Variants in FGFR1OP2 observed in about 807,000 individuals in gnomAD.
The protein encoded by FGFR1OP2 is FGFR1 oncogene partner 2, also known as fibroblast growth factor receptor 1 oncogene partner 2.
FGFR1OP2 carries 17 observed loss-of-function variants against 35.2 expected under a neutral mutation model. The observed-to-expected ratio is 0.48, with a 90% CI of 0.33 to 0.73. The LOEUF is 0.73. Among genes scored for constraint, FGFR1OP2 ranks in the 30% least tolerant of loss-of-function variants. FGFR1OP2 has a pLI of 0.02. For missense variants in FGFR1OP2, 251 were observed against 307.3 expected (o/e 0.82, Z 1.37); for synonymous variants, 105 against 104.6 (o/e 1.00, Z -0.03).
intron 1 of FGFR1OP2, among the ~76,000 whole-genome samples, chr12:26,945,333 A>C (rs1938802883): frequency 6.6e-6 from 1 of 152,176 alleles, no homozygotes; most frequent in Non-Finnish European, 1.5e-5. Flanking sequence ...TAATTTTCTA[A>C]TATAAACATT....
At chr12:26,950,942 AAAAG>A (rs1218138230) in intron 1 of FGFR1OP2, among the ~76,000 whole-genome samples, 4 of 152,220 alleles carry the variant, frequency 2.6e-5, no homozygotes, top group Non-Finnish European at 5.9e-5. Context: ...GGTAATATGA[AAAAG>A]AGAGAGTAGC....
chr12:26,946,642 T>C (rs1426326962), intron 1 of FGFR1OP2, among the ~76,000 whole-genome samples: 2 of 152,224 alleles, frequency 1.3e-5, no homozygotes, highest in African/African-American at 4.8e-5. Flanking sequence ...ACTCTAGCTC[T>C]TTTCTTAAAT....
At position 26,965,410 on chromosome 12, in the gene FGFR1OP2, A is replaced by G. The variant is rs1434694619; in HGVS notation, c.*677A>G. ...GGAATACTACTTTCTAAGAAAGAAG[A>G]TCTTATAATAGACATATTTAGTAGG... On this transcript the variant is annotated 3_prime_UTR_variant, in exon 7 of 7. Coordinates refer to ENST00000229395, the MANE Select transcript of FGFR1OP2 (RefSeq NM_015633.3). The G allele has an allele frequency of 6.6e-6, 1 of 152,604 alleles. No homozygotes were observed. The highest frequency in any genetic ancestry group is 2.4e-5 in the African/African-American group (1 of 41,464). The allele number at this position is 152,604 out of a possible 1,614,324, so 9.5% of individuals were successfully genotyped here.
chr12:26,946,580 G>A (rs969989776), intron 1 of FGFR1OP2, among the ~76,000 whole-genome samples: 4 of 152,174 alleles, frequency 2.6e-5, no homozygotes, highest in African/African-American at 9.7e-5. Context: ...AAAGTGCTGG[G>A]ATTATATGGG....
intron 2 of FGFR1OP2, 21 bp from the exon 3 acceptor site, chr12:26,956,522 C>G: frequency 8.6e-7 from 1 of 1,156,122 alleles, no homozygotes. Context: ...TTTCATCCCA[C>G]ATGTTTTTCT....
chr12:26,963,274 TA>T, intron 5 of FGFR1OP2, 67 bp from the exon 6 acceptor site: 2 of 989,508 alleles, frequency 2.0e-6, no homozygotes, highest in South Asian at 1.6e-5. Context: ...GCAGATTTTA[TA>T]AAAAGGAGAG....
chr12:26,958,892 CTAT>C (rs1422970936), intron 4 of FGFR1OP2, among the ~76,000 whole-genome samples: 3 of 152,110 alleles, frequency 2.0e-5, no homozygotes, highest in Non-Finnish European at 4.4e-5. Flanking sequence ...GGTGAGCTGA[CTAT>C]TATTATTACC....
rs532403128 is a variant in FGFR1OP2, at chr12:26,940,374, G to A, written c.-15+1664G>A. ...TTTCTTCAGAAAGTGTCTTTATACA[G>A]TTCCAAACATGTATTCATTCCACTA... On this transcript the variant is annotated intron_variant, in intron 1 of 6. Coordinates refer to ENST00000229395, the MANE Select transcript of FGFR1OP2 (RefSeq NM_015633.3). Among the ~76,000 whole-genome samples the A allele has an allele frequency of 2.6e-5, 4 of 152,294 alleles. No homozygotes were observed. The South Asian group carries it at 8.3e-4, about 32-fold the overall frequency.
chr12:26,957,885 C>A, intron 4 of FGFR1OP2, 142 bp downstream of exon 4: 1 of 600,858 alleles, frequency 1.7e-6, no homozygotes, highest in Non-Finnish European at 2.6e-6. Context: ...TTTTAATTGA[C>A]ATTTTCTCCT....
At chr12:26,958,454 TA>T (rs1168598599) in intron 4 of FGFR1OP2, among the ~76,000 whole-genome samples, 1 of 152,240 alleles carries the variant, frequency 6.6e-6, no homozygotes, top group Non-Finnish European at 1.5e-5. Flanking sequence ...AAACCTTTTT[TA>T]AAATCTGAAA....
intron 1 of FGFR1OP2, among the ~76,000 whole-genome samples, chr12:26,946,972 G>C (rs1228492711): frequency 1.3e-5 from 2 of 149,444 alleles, no homozygotes; most frequent in African/African-American, 4.9e-5. Context: ...AATTTTTTCA[G>C]TTTTCATCCA....
At chr12:26,956,223 T>A (rs1049847669) in intron 2 of FGFR1OP2, among the ~76,000 whole-genome samples, 2 of 152,094 alleles carry the variant, frequency 1.3e-5, no homozygotes, top group African/African-American at 4.8e-5. Context: ...TCTTTTTCAT[T>A]ACAGTCATCC....
At chr12:26,949,321 A>C (rs1311547597) in intron 1 of FGFR1OP2, among the ~76,000 whole-genome samples, 3 of 152,010 alleles carry the variant, frequency 2.0e-5, no homozygotes, top group Non-Finnish European at 2.9e-5. Context: ...TATTTAGTAG[A>C]GATGGGGTTT....
intron 5 of FGFR1OP2, chr12:26,961,485 G>A (rs1939104668): frequency 6.6e-6 from 1 of 152,138 alleles, no homozygotes; most frequent in African/African-American, 2.4e-5. Context: ...GGTGGCTCAT[G>A]CCTGTAATTG....
chr12:26,954,429 T>G, intron 2 of FGFR1OP2, 136 bp downstream of exon 2: 3 of 1,065,386 alleles, frequency 2.8e-6, no homozygotes, highest in Non-Finnish European at 3.9e-6. Context: ...TGTTTCAGGT[T>G]TACTTTAATT....
At chr12:26,953,310 G>GAGGGTA (rs142818118) in intron 1 of FGFR1OP2, among the ~76,000 whole-genome samples, 48,484 of 147,154 alleles carry the variant, frequency 0.33, 8,362 homozygotes, top group East Asian at 0.58. Context: ...AGATTTCAAG[G>GAGGGTA]AGGGTAAGTG....
intron 2 of FGFR1OP2, among the ~76,000 whole-genome samples, chr12:26,955,522 T>C (rs1393371396): frequency 6.6e-6 from 1 of 152,172 alleles, no homozygotes; most frequent in African/African-American, 2.4e-5. Flanking sequence ...CACTAATATT[T>C]CTATCTCTTT....
chr12:26,960,660 G>T (rs2136360252), intron 5 of FGFR1OP2, 32 bp downstream of exon 5: 1 of 1,585,468 alleles, frequency 6.3e-7, no homozygotes, highest in Non-Finnish European at 8.6e-7. Context: ...CTTTTGGGGT[G>T]TGGATGGAAG....
In FGFR1OP2 at chr12:26,963,353, A is replaced by G; in HGVS notation, c.522A>G (p.Ala174=). ...TCCCTCTTTTTCAGGAACTGCAAGC[A>G]CATGTTGACCAGATAACTGAAATGG... ...HLEANQNELQ[A]HVDQITEMAA... Residue 174 remains alanine, a synonymous_variant, in exon 6 of 7, where the codon GCA becomes GCG. Transcript: ENST00000229395. The G allele has an allele frequency of 5.6e-6, 9 of 1,602,568 alleles. No homozygotes were observed. Among genetic ancestry groups the G allele is most frequent in the Non-Finnish European group, 7.7e-6 (9 of 1,173,334 alleles).
Sources: gnomAD v4.1 joint callset for allele counts (sites outside exome capture counted in the v4.1 genomes callset) on GRCh38, gnomAD v4.1.1 for gene constraint, MANE v1.5 for transcripts, NCBI Gene and HGNC (gene_info 2026-07-23, HGNC 2026-07-21) for gene names.